Variants in ACYP2 observed in about 807,000 individuals in gnomAD.
The protein encoded by ACYP2 is acylphosphatase-2.
In ACYP2, 12 loss-of-function variants were observed where a neutral mutation model predicts 11.2. That is an observed-to-expected ratio of 1.08 (90% CI 0.69 to 1.74). ACYP2 has a LOEUF of 1.74. Ranked by LOEUF, ACYP2 falls within the 40% of genes most tolerant of loss-of-function variation. ACYP2 has a pLI of 0.00. For missense variants in ACYP2, 134 were observed against 101.9 expected, an observed-to-expected ratio of 1.31 and a Z score of -1.35; for synonymous variants, 43 against 32.2, an observed-to-expected ratio of 1.33 and a Z score of -1.13.
chr2:54,117,299 T>C (rs1202103844), intron 4 of ACYP2, among the ~76,000 whole-genome samples: 2 of 152,210 alleles, frequency 1.3e-5, no homozygotes, highest in Non-Finnish European at 2.9e-5. Flanking sequence ...TTTTTAATTT[T>C]ATTTTTTTAA....
At chr2:54,289,809 G>A (rs1218256524) in intron 6 of ACYP2, among the ~76,000 whole-genome samples, 1 of 151,758 alleles carries the variant, frequency 6.6e-6, no homozygotes, top group East Asian at 1.9e-4. Flanking sequence ...CCCTAACAAT[G>A]AGACATGTCC....
At chr2:54,030,349 A>T (rs1674518037) in intron 2 of ACYP2, among the ~76,000 whole-genome samples, 1 of 152,070 alleles carries the variant, frequency 6.6e-6, no homozygotes, top group African/African-American at 2.4e-5. Context: ...GACTGTCTCT[A>T]TTATTTTGGT....
At chr2:53,991,777 T>TAAATATAAAAAAATA (rs1181486171) in intron 2 of ACYP2, among the ~76,000 whole-genome samples, 25 of 152,116 alleles carry the variant, frequency 1.6e-4, no homozygotes, top group African/African-American at 5.8e-4. Context: ...TCAATTTTTT[T>TAAATATAAAAAAATA]TAAGTTTTTT....
chr2:54,167,312 C>T (rs552535406), intron 6 of ACYP2, among the ~76,000 whole-genome samples: 1 of 152,294 alleles, frequency 6.6e-6, no homozygotes, highest in African/African-American at 2.4e-5. Context: ...TAATTGAGGA[C>T]AGCTTTGAAC....
chr2:54,115,580 A>G (rs1679705146), intron 4 of ACYP2, 35 bp from the exon 1 acceptor site: 8 of 1,540,658 alleles, frequency 5.2e-6, no homozygotes, highest in Non-Finnish European at 7.0e-6. Context: ...AGCGTCCGGG[A>G]CCGGTGACAG....
At chr2:54,141,819 CT>C in intron 6 of ACYP2, 1 of 505,102 alleles carries the variant, frequency 2.0e-6, no homozygotes, top group Non-Finnish European at 3.6e-6. Flanking sequence ...CACACATATG[CT>C]TTTAAGATAA....
chr2:53,973,579 C>G (rs916337179), intron 1 of ACYP2: 1 of 197,006 alleles, frequency 5.1e-6, no homozygotes, highest in East Asian at 1.1e-4. Flanking sequence ...CTTTGTATTT[C>G]TCCCCACCCT....
chr2:54,042,438 G>A (rs1232915378), intron 2 of ACYP2, among the ~76,000 whole-genome samples: 1 of 152,214 alleles, frequency 6.6e-6, no homozygotes, highest in African/African-American at 2.4e-5. Context: ...AGGTCATAGA[G>A]TACAGGGGTT....
intron 6 of ACYP2, among the ~76,000 whole-genome samples, chr2:54,286,513 C>T (rs1359672640): frequency 6.6e-6 from 1 of 151,980 alleles, no homozygotes; most frequent in Non-Finnish European, 1.5e-5. Context: ...TGAATCTAAC[C>T]CTAACTAATA....
At chr2:54,254,821 C>T in intron 6 of ACYP2, 1 of 1,265,506 alleles carries the variant, frequency 7.9e-7, no homozygotes, top group South Asian at 1.5e-5. Flanking sequence ...AAAGTCAGAA[C>T]AAAAAAAGTA....
chr2:53,999,671 A>C (rs1194333687), intron 2 of ACYP2, among the ~76,000 whole-genome samples: 1 of 152,190 alleles, frequency 6.6e-6, no homozygotes, highest in Admixed American at 6.5e-5. Flanking sequence ...AGAAACTTCA[A>C]ATCTGAAAAT....
At chr2:54,286,163 T>A (rs1268093889) in intron 6 of ACYP2, among the ~76,000 whole-genome samples, 1 of 150,232 alleles carries the variant, frequency 6.7e-6, no homozygotes, top group Admixed American at 6.6e-5. Context: ...GAGGCCAAGA[T>A]GGGAGGATTT....
chr2:54,116,023 T>C (rs1409663077), intron 4 of ACYP2, among the ~76,000 whole-genome samples: 1 of 152,002 alleles, frequency 6.6e-6, no homozygotes. Context: ...AGTGGGCGGC[T>C]GCTGGGTGCG....
chr2:54,128,692 G>T (rs902515008), intron 4 of ACYP2, among the ~76,000 whole-genome samples: 4 of 152,060 alleles, frequency 2.6e-5, no homozygotes, highest in Admixed American at 2.0e-4. Context: ...TTTATTCTCC[G>T]ATGAAGGTTA....
chr2:54,201,860 C>A (rs558459300), intron 6 of ACYP2, among the ~76,000 whole-genome samples: 1 of 151,606 alleles, frequency 6.6e-6, no homozygotes, highest in South Asian at 2.1e-4. Context: ...AGGTGTGCGC[C>A]CCCACGCCTG....
At chr2:54,207,173 A>ATGTGTGTGTGTATG (rs150280252) in intron 6 of ACYP2, among the ~76,000 whole-genome samples, 1 of 138,650 alleles carries the variant, frequency 7.2e-6, no homozygotes, top group Non-Finnish European at 1.5e-5. Flanking sequence ...CAACATGTAT[A>ATGTGTGTGTGTATG]TGTGTGTGTG....
At chr2:54,132,775 C>T (rs1020838826) in intron 4 of ACYP2, among the ~76,000 whole-genome samples, 29 of 146,378 alleles carry the variant, frequency 2.0e-4, no homozygotes, top group Non-Finnish European at 3.7e-4. Flanking sequence ...GACTGAGTCT[C>T]GCTCTGTTGC....
chr2:54,138,329 A>G (rs1173287067), intron 5 of ACYP2, among the ~76,000 whole-genome samples: 1 of 152,210 alleles, frequency 6.6e-6, no homozygotes, highest in Non-Finnish European at 1.5e-5. Flanking sequence ...AGGGCAATGC[A>G]GCTAAATTTT....
At chr2:54,050,057 G>GAAA (rs1314489825) in intron 2 of ACYP2, among the ~76,000 whole-genome samples, 1 of 152,172 alleles carries the variant, frequency 6.6e-6, no homozygotes, top group Non-Finnish European at 1.5e-5. Flanking sequence ...TGTACAGCAA[G>GAAA]TCCTTACTTA....
Sources: allele counts gnomAD v4.1 joint callset (sites outside exome capture counted in the v4.1 genomes callset), GRCh38; gene constraint gnomAD v4.1.1; transcripts MANE v1.5; gene names NCBI Gene and HGNC (gene_info 2026-07-23, HGNC 2026-07-21).